GFPT2: variants seen among roughly 807,000 people sequenced by gnomAD.
GFPT2 encodes glutamine--fructose-6-phosphate aminotransferase [isomerizing] 2.
GFPT2 carries 62 observed loss-of-function variants against 85.6 expected under a neutral mutation model. That is an observed-to-expected ratio of 0.72 (90% CI 0.59 to 0.90). The LOEUF (loss-of-function observed/expected upper bound fraction) is 0.90, where lower values mean the gene tolerates loss of function less well. Ranked by LOEUF, GFPT2 falls within the 40% of genes least tolerant of loss-of-function variation. GFPT2 has a pLI of 0.00. For missense variants in GFPT2, 788 were observed against 893.4 expected, an observed-to-expected ratio of 0.88 and a Z score of 1.50; for synonymous variants, 368 against 344.5, an observed-to-expected ratio of 1.07 and a Z score of -0.75.
At chr5:180,349,878 GTT>G (rs61294953) in intron 1 of GFPT2, among the ~76,000 whole-genome samples, 9 of 146,104 alleles carry the variant, frequency 6.2e-5, no homozygotes, top group African/African-American at 1.5e-4. Flanking sequence ...CACAGTGATT[GTT>G]TTTTTTTTTT....
At chr5:180,353,102 C>A (rs1345961198) in intron 1 of GFPT2, 109 bp downstream of exon 1, 4 of 952,528 alleles carry the variant, frequency 4.2e-6, no homozygotes, top group Non-Finnish European at 5.4e-6. Flanking sequence ...AGATCGGCGC[C>A]CCCAGCCAGG....
intron 4 of GFPT2, among the ~76,000 whole-genome samples, chr5:180,332,771 C>T (rs1270211225): frequency 6.6e-6 from 1 of 152,172 alleles, no homozygotes; most frequent in Admixed American, 6.5e-5. Context: ...AACTCCTGAC[C>T]TCAGGCGATC....
rs573344385 is a variant in GFPT2 at position 180,353,307 on chromosome 5, TGGGCTCCGTGGGCTCCGC to T, written c.-108_-91del. On this transcript the variant is annotated 5_prime_UTR_variant, in exon 1 of 19. Transcript: ENST00000253778. ...TCCGTGGGCTCCTCCGTGGGCTCCG[TGGGCTCCGTGGGCTCCGC>T]GGGCTCCAGCTCCCGTCCGCTCGGC... The T allele has an allele frequency of 0.013, 12,500 of 991,514 alleles. 98 individuals carry two copies. The highest frequency in any genetic ancestry group is 0.02 in the Admixed American group (456 of 22,696). 61.4% of individuals were successfully genotyped at this position (991,514 alleles called of 1,614,324 possible). A position where few individuals can be genotyped will look rare whatever the true frequency, so the allele number is the denominator to read the frequency against.
chr5:180,325,565 T>C (rs1764198394), intron 7 of GFPT2, among the ~76,000 whole-genome samples: 1 of 151,970 alleles, frequency 6.6e-6, no homozygotes, highest in Non-Finnish European at 1.5e-5. Flanking sequence ...TCTCAGGGAG[T>C]CTGCAGCTGG....
At chr5:180,343,572 G>A (rs964587764) in intron 1 of GFPT2, among the ~76,000 whole-genome samples, 3 of 152,254 alleles carry the variant, frequency 2.0e-5, no homozygotes, top group African/African-American at 7.2e-5. Flanking sequence ...TTTCATGAAG[G>A]AAGCTCTGTT....
intron 2 of GFPT2, 25 bp from the exon 3 acceptor site, chr5:180,336,602 T>C: frequency 1.4e-6 from 2 of 1,456,674 alleles, no homozygotes; most frequent in Non-Finnish European, 1.9e-6. Flanking sequence ...GCATTTGTTA[T>C]ATTGCAACCA....
intron 15 of GFPT2, among the ~76,000 whole-genome samples, chr5:180,307,587 C>G (rs1180005248): frequency 6.6e-6 from 1 of 151,966 alleles, no homozygotes; most frequent in Admixed American, 6.6e-5. Context: ...AACTGAGGCT[C>G]AGAGAGGCAA....
Position 180,330,852 on chromosome 5 carries a change from C to T in GFPT2, c.400-18G>A. On this transcript the variant is annotated intron_variant, in intron 5 of 18. Coordinates refer to ENST00000253778, the MANE Select transcript of GFPT2 (RefSeq NM_005110.4). The surrounding 1 kb of genome is among the most constrained non-coding windows in gnomAD (Gnocchi z 4.4). ...TTGCTTTCCTGGAATATGCAGTCGG[C>T]ACAGTGTGAGAGATTGGTCATTGCA... 1 of 1,612,852 alleles carries T rather than the reference C, an allele frequency of 6.2e-7. No homozygotes were observed. The highest frequency in any genetic ancestry group is 1.1e-5 in the South Asian group (1 of 90,946).
At chr5:180,321,841 T>G (rs1240230851) in intron 9 of GFPT2, among the ~76,000 whole-genome samples, 1 of 152,242 alleles carries the variant, frequency 6.6e-6, no homozygotes, top group South Asian at 2.1e-4. Flanking sequence ...TGGAGTGCAG[T>G]GGCGCGATCT....
At chr5:180,314,017 C>A in intron 13 of GFPT2, 53 bp from the exon 14 acceptor site, 1 of 1,508,824 alleles carries the variant, frequency 6.6e-7, no homozygotes, top group Admixed American at 2.0e-5. Flanking sequence ...CGGCCCCACC[C>A]CAAACCCCTT....
intron 17 of GFPT2, 56 bp downstream of exon 17, chr5:180,304,716 G>C: frequency 6.9e-7 from 1 of 1,452,486 alleles, no homozygotes; most frequent in African/African-American, 1.4e-5. Flanking sequence ...TGGTGAGGTG[G>C]GCATGCATGG....
chr5:180,329,313 G>A (rs1332439107), intron 6 of GFPT2, among the ~76,000 whole-genome samples: 1 of 152,170 alleles, frequency 6.6e-6, no homozygotes, highest in Non-Finnish European at 1.5e-5. Flanking sequence ...CCCAAACCAG[G>A]GGGCTTCAGG....
Position 180,334,812 on chromosome 5 carries a change from G to A in GFPT2, c.340+1016C>T, listed in dbSNP as rs1281158027. ...CTCCTGCCTGCCCTTGGAGGCCTGG[G>A]AGGAGACAGGGATTAGATCCTCTCT... On this transcript the variant is annotated intron_variant, in intron 4 of 18. Coordinates refer to ENST00000253778, the MANE Select transcript of GFPT2 (RefSeq NM_005110.4). Among the ~76,000 whole-genome samples the A allele has an allele frequency of 4.6e-5, 7 of 152,310 alleles. No individual in the cohort carries two copies. In the South Asian group the frequency reaches 8.3e-4, roughly 18 times the overall value.
rs373168655 is a variant in GFPT2 at position 180,324,318 on chromosome 5, G to C, written c.677-13C>G. On this transcript the variant is annotated splice_polypyrimidine_tract_variant and intron_variant, in intron 8 of 18. Coordinates refer to ENST00000253778, the MANE Select transcript of GFPT2 (RefSeq NM_005110.4). ...TTCTCCAGAGTGCCTAGCAAATGGA[G>C]GAATGGGTTGCAAATCCCACTGGGA... 1.4e-4 allele frequency: 191 copies of C among 1,401,182 alleles called. No homozygotes were observed. In the African/African-American group the frequency reaches 2.3e-3, roughly 17 times the overall value. The allele number at this position is 1,401,182 out of a possible 1,614,324, so 86.8% of individuals were successfully genotyped here.
intron 1 of GFPT2, chr5:180,352,505 G>T (rs1183130907): frequency 1.8e-5 from 8 of 447,522 alleles, no homozygotes; most frequent in Non-Finnish European, 3.6e-5. Context: ...GCGGGACAGC[G>T]CGGGAGCGCC....
chr5:180,335,870 TG>T lies in GFPT2; in HGVS notation c.297del (p.Ser100ValfsTer30). The stretch of plus-strand genomic sequence containing the variant: ...CGCTGAGGGTGGCTGTTGACAGCAC[TG>T]GGGACCCCGTGGGTGGCCCAGCGCG... ...AHTRWATHGVPSAVNSHPQRS... is the reference protein window; with the variant it reads ...AHTRWATHGVXSAVNSHPQRS... On this transcript the variant is annotated frameshift_variant, in exon 4 of 19. Transcript: ENST00000253778. LOFTEE classifies it high-confidence loss of function. 1.3e-6 allele frequency: 2 copies of T among 1,591,290 alleles called. No individual in the cohort carries two copies. The highest frequency in any genetic ancestry group is 1.9e-5 in the Admixed American group (1 of 52,866).
intron 9 of GFPT2, among the ~76,000 whole-genome samples, chr5:180,322,789 C>T (rs1764144170): frequency 6.6e-6 from 1 of 152,000 alleles, no homozygotes; most frequent in Non-Finnish European, 1.5e-5. Flanking sequence ...GTAATCCCAG[C>T]ACTTTGGGAG....
chr5:180,326,092 T>A (rs1225469949), intron 7 of GFPT2, among the ~76,000 whole-genome samples: 1 of 152,210 alleles, frequency 6.6e-6, no homozygotes, highest in African/African-American at 2.4e-5. Flanking sequence ...TTCCAAAATC[T>A]AATCCTTTGC....
intron 17 of GFPT2, among the ~76,000 whole-genome samples, chr5:180,302,905 C>T (rs1763704687): frequency 6.6e-6 from 1 of 152,090 alleles, no homozygotes; most frequent in African/African-American, 2.4e-5. Context: ...TGGTAGAAAA[C>T]AAAAACCTAG....
Sources: gnomAD v4.1 joint callset for allele counts (sites outside exome capture counted in the v4.1 genomes callset) on GRCh38, gnomAD v4.1.1 for gene constraint, Gnocchi (gnomAD v3.1) non-coding constraint, MANE v1.5 for transcripts, NCBI Gene and HGNC (gene_info 2026-07-23, HGNC 2026-07-21) for gene names.